SLC24A4: variants seen among roughly 807,000 people sequenced by gnomAD.
SLC24A4 encodes the protein sodium/potassium/calcium exchanger 4.
In SLC24A4, 53 loss-of-function variants were observed where a neutral mutation model predicts 79.0. The ratio of observed to expected loss-of-function variants is 0.67; its 90% CI spans 0.54 to 0.84. The LOEUF (loss-of-function observed/expected upper bound fraction) is 0.84. Ranked by LOEUF, SLC24A4 falls within the 40% of genes least tolerant of loss-of-function variation. The probability of loss-of-function intolerance (pLI) is 0.00; values close to 1 mark genes in which losing one functional copy is unlikely to be tolerated. For synonymous variants in SLC24A4, 323 were observed against 323.8 expected, an observed-to-expected ratio of 1.00 and a Z score of 0.03; for missense variants, 731 against 822.0, an observed-to-expected ratio of 0.89 and a Z score of 1.35.
chr14:92,359,491 C>T (rs61975591), intron 2 of SLC24A4, among the ~76,000 whole-genome samples: 11,580 of 151,886 alleles, frequency 0.076, 606 homozygotes, highest in Non-Finnish European at 0.11. Flanking sequence ...CCCAGCTACT[C>T]GGGAGGCTGA....
chr14:92,461,636 T>C (rs1249435001), intron 12 of SLC24A4, among the ~76,000 whole-genome samples: 1 of 152,190 alleles, frequency 6.6e-6, no homozygotes, highest in Non-Finnish European at 1.5e-5. Flanking sequence ...TCTTAGTACC[T>C]TAATTACCTC....
At chr14:92,487,353 A>G (rs11848347) in intron 14 of SLC24A4, among the ~76,000 whole-genome samples, 8,332 of 152,284 alleles carry the variant, frequency 0.055, 563 homozygotes, top group African/African-American at 0.16. Flanking sequence ...GTAGCATCCC[A>G]GCATGGACAT....
intron 2 of SLC24A4, among the ~76,000 whole-genome samples, chr14:92,431,485 G>C (rs1396677100): frequency 6.6e-6 from 1 of 152,150 alleles, no homozygotes; most frequent in Non-Finnish European, 1.5e-5. Flanking sequence ...GAGGCCACAG[G>C]GTCCTGGTCT....
At chr14:92,474,823 A>AGTGTGTG (rs1555374561) in intron 12 of SLC24A4, among the ~76,000 whole-genome samples, 483 of 8,868 alleles carry the variant, frequency 0.054, 41 homozygotes, top group Admixed American at 0.41. Context: ...ATATATATAC[A>AGTGTGTG]TATATATGTG....
intron 12 of SLC24A4, chr14:92,457,649 C>T (rs1595314438): frequency 6.6e-6 from 1 of 152,598 alleles, no homozygotes. Context: ...CTGCCTTCGT[C>T]TTTAACTAAG....
intron 2 of SLC24A4, among the ~76,000 whole-genome samples, chr14:92,341,729 A>T (rs1003725983): frequency 6.6e-6 from 1 of 152,144 alleles, no homozygotes; most frequent in Non-Finnish European, 1.5e-5. Context: ...GGGAAATTCC[A>T]TCCTCTGGGA....
At chr14:92,332,446 G>A (rs1005456555) in intron 2 of SLC24A4, among the ~76,000 whole-genome samples, 2 of 152,202 alleles carry the variant, frequency 1.3e-5, no homozygotes, top group African/African-American at 4.8e-5. Flanking sequence ...CACTTTGGGA[G>A]GCTAAGGCAG....
chr14:92,440,250 C>G (rs572638415), intron 4 of SLC24A4, among the ~76,000 whole-genome samples: 5 of 152,166 alleles, frequency 3.3e-5, no homozygotes, highest in African/African-American at 1.2e-4. Flanking sequence ...AAGGCCTCCC[C>G]TTACCCCACA....
intron 2 of SLC24A4, among the ~76,000 whole-genome samples, chr14:92,397,340 A>G (rs1410749811): frequency 6.6e-6 from 1 of 152,188 alleles, no homozygotes; most frequent in African/African-American, 2.4e-5. Flanking sequence ...TCCCTGAGTC[A>G]CCATGTGGAG....
intron 3 of SLC24A4, among the ~76,000 whole-genome samples, chr14:92,438,921 C>T (rs1892334356): frequency 6.6e-6 from 1 of 152,174 alleles, no homozygotes; most frequent in Non-Finnish European, 1.5e-5. Flanking sequence ...TTCTGGTGAC[C>T]TGCCCCCATC....
chr14:92,421,944 C>T (rs1456455780), intron 2 of SLC24A4, among the ~76,000 whole-genome samples: 5 of 152,236 alleles, frequency 3.3e-5, no homozygotes, highest in African/African-American at 4.8e-5. Context: ...CCGCCATAAC[C>T]ACTATAATGG....
At chr14:92,487,965 TTCCTCCTCCTGCTCCTCCTCCTCC>T (rs373712991) in intron 14 of SLC24A4, among the ~76,000 whole-genome samples, 2,763 of 151,832 alleles carry the variant, frequency 0.018, 102 homozygotes, top group East Asian at 0.17. Context: ...CTGTGTCGAC[TTCCTCCTCCTGCTCCTCCTCCTCC>T]TCCTCCTCTC....
intron 2 of SLC24A4, among the ~76,000 whole-genome samples, chr14:92,362,447 G>T: frequency 6.6e-6 from 1 of 152,256 alleles, no homozygotes; most frequent in East Asian, 1.9e-4. Flanking sequence ...TCTCCAGTGG[G>T]CTGGGAGCTG....
chr14:92,458,141 G>T (rs1159936637), intron 12 of SLC24A4, among the ~76,000 whole-genome samples: 4 of 152,234 alleles, frequency 2.6e-5, no homozygotes, highest in African/African-American at 7.2e-5. Context: ...ACATTCCAGA[G>T]CCTGGAGCAG....
chr14:92,370,075 C>A (rs1888066254), intron 2 of SLC24A4, among the ~76,000 whole-genome samples: 1 of 152,174 alleles, frequency 6.6e-6, no homozygotes, highest in Non-Finnish European at 1.5e-5. Flanking sequence ...TCATTGTATT[C>A]TTTAAAGTCT....
intron 3 of SLC24A4, among the ~76,000 whole-genome samples, chr14:92,434,884 C>T (rs1892080786): frequency 6.6e-6 from 1 of 152,150 alleles, no homozygotes; most frequent in African/African-American, 2.4e-5. Context: ...AAAGATTCTC[C>T]TGCCTCAGCC....
chr14:92,390,388 C>T (rs1889399976), intron 2 of SLC24A4, among the ~76,000 whole-genome samples: 1 of 152,088 alleles, frequency 6.6e-6, no homozygotes, highest in Non-Finnish European at 1.5e-5. Context: ...CCTGTCAGCC[C>T]TTGTTATATT....
At chr14:92,343,598 T>TCTC (rs1566699758) in intron 2 of SLC24A4, among the ~76,000 whole-genome samples, 1 of 141,748 alleles carries the variant, frequency 7.1e-6, no homozygotes, top group African/African-American at 2.7e-5. Context: ...CTTTCTTTCT[T>TCTC]TCTTTCTTTC....
rs12889210 is a variant in SLC24A4 at position 92,434,153 on chromosome 14, G to A, written c.318+165G>A. On this transcript the variant is annotated intron_variant, in intron 3 of 16. Transcript: ENST00000532405. Reference sequence around the variant, plus strand: ...CCCACACAGAAAGGATGTCTTAAACGTGTTAGGAGACTTACCCAGTGTCAC... The same window carrying A: ...CCCACACAGAAAGGATGTCTTAAACATGTTAGGAGACTTACCCAGTGTCAC... Among the ~76,000 whole-genome samples, 7,832 of 152,246 alleles carry A rather than the reference G, an allele frequency of 0.051. 276 individuals carry two copies. Among genetic ancestry groups the A allele is most frequent in the Admixed American group, 0.098 (1,496 of 15,288 alleles).
Sources: allele counts gnomAD v4.1 joint callset (sites outside exome capture counted in the v4.1 genomes callset), GRCh38; gene constraint gnomAD v4.1.1; transcripts MANE v1.5; gene names NCBI Gene and HGNC (gene_info 2026-07-23, HGNC 2026-07-21).